The following RALGPS1 variants were observed in gnomAD, a reference collection of about 807,000 sequenced individuals.
RALGPS1 encodes the protein Ral GEF with PH domain and SH3 binding motif 1, also known as ras-specific guanine nucleotide-releasing factor RalGPS1.
Under a neutral mutation model 78.8 loss-of-function variants are expected in RALGPS1, and 19 were observed. The ratio of observed to expected loss-of-function variants is 0.24; its 90% CI spans 0.17 to 0.35. The LOEUF (loss-of-function observed/expected upper bound fraction) is 0.35. Ranked by LOEUF, RALGPS1 falls within the 10% of genes least tolerant of loss-of-function variation. RALGPS1 has a pLI of 1.00. For synonymous variants in RALGPS1, 228 were observed against 256.3 expected (o/e 0.89, Z 1.06); for missense variants, 454 against 688.3 (o/e 0.66, Z 3.81).
chr9:127,184,319 CAGG>C, intron 11 of RALGPS1: 39 of 239,434 alleles, frequency 1.6e-4, no homozygotes, highest in South Asian at 2.5e-4. Context: ...GACCTTGTCT[CAGG>C]AAAAAAAAAA....
chr9:126,956,447 G>A (rs893304461), intron 1 of RALGPS1, among the ~76,000 whole-genome samples: 7 of 152,146 alleles, frequency 4.6e-5, no homozygotes, highest in African/African-American at 7.2e-5. Context: ...CCATAAATTC[G>A]GCCATTTTTG....
intron 11 of RALGPS1, among the ~76,000 whole-genome samples, chr9:127,181,334 C>T (rs2060206280): frequency 6.6e-6 from 1 of 152,268 alleles, no homozygotes; most frequent in Non-Finnish European, 1.5e-5. Context: ...CATGTGCTCA[C>T]TCAGTGACCC....
At chr9:127,026,970 C>G (rs932448703) in intron 4 of RALGPS1, among the ~76,000 whole-genome samples, 1 of 152,224 alleles carries the variant, frequency 6.6e-6, no homozygotes, top group Non-Finnish European at 1.5e-5. Flanking sequence ...GGGGTGCTGG[C>G]TGAGACAGTG....
At chr9:127,153,375 CTTTTTTTTTTTT>C (rs60308901) in intron 8 of RALGPS1, among the ~76,000 whole-genome samples, 1 of 102,116 alleles carries the variant, frequency 9.8e-6, no homozygotes, top group Non-Finnish European at 2.0e-5. Context: ...TAGAGGATTA[CTTTTTTTTTTTT>C]TTTTTTTTTT....
intron 7 of RALGPS1, among the ~76,000 whole-genome samples, chr9:127,058,958 G>T (rs924999425): frequency 6.6e-6 from 1 of 152,176 alleles, no homozygotes; most frequent in Non-Finnish European, 1.5e-5. Flanking sequence ...TGATGGGTCA[G>T]GAGACCTGGT....
At chr9:127,044,137 C>T (rs1472225552) in intron 5 of RALGPS1, among the ~76,000 whole-genome samples, 3 of 152,186 alleles carry the variant, frequency 2.0e-5, no homozygotes, top group African/African-American at 7.2e-5. Flanking sequence ...ACCAAGATAT[C>T]ATCCTTCATT....
At chr9:127,032,376 C>A (rs1487029477) in intron 4 of RALGPS1, among the ~76,000 whole-genome samples, 2 of 47,634 alleles carry the variant, frequency 4.2e-5, no homozygotes, top group African/African-American at 1.6e-4. Context: ...TGCGTGTGCA[C>A]ACACACACAC....
intron 1 of RALGPS1, among the ~76,000 whole-genome samples, chr9:126,932,577 T>C (rs897578679): frequency 6.6e-6 from 1 of 152,166 alleles, no homozygotes; most frequent in African/African-American, 2.4e-5. Flanking sequence ...TTAGAGTTAA[T>C]GTACAAGCCC....
intron 3 of RALGPS1, among the ~76,000 whole-genome samples, chr9:126,968,247 C>T (rs1357198349): frequency 2.0e-5 from 3 of 152,106 alleles, no homozygotes; most frequent in Non-Finnish European, 1.5e-5. Context: ...ATGATCTGCT[C>T]GCCTCGGCCT....
At chr9:127,180,113 GT>G (rs2060123651) in intron 11 of RALGPS1, among the ~76,000 whole-genome samples, 1 of 152,210 alleles carries the variant, frequency 6.6e-6, no homozygotes, top group South Asian at 2.1e-4. Flanking sequence ...CACATGTAAT[GT>G]TTAGTTTCTA....
chr9:127,048,735 A>G (rs1434426727), intron 5 of RALGPS1, among the ~76,000 whole-genome samples: 2 of 152,238 alleles, frequency 1.3e-5, no homozygotes. Flanking sequence ...ATATTAAAAT[A>G]TAAGGTTTAT....
At chr9:127,035,012 G>A (rs2046747891) in intron 5 of RALGPS1, among the ~76,000 whole-genome samples, 1 of 152,098 alleles carries the variant, frequency 6.6e-6, no homozygotes, top group South Asian at 2.1e-4. Flanking sequence ...CAGCCTGTGT[G>A]AGGTCACATA....
chr9:127,199,012 C>T lies in RALGPS1; in HGVS notation c.1196-3C>T. ...TGCTCATTGACCTGTGTTCCTTTTCCAGGCAGTAGTGAGAGCTCAGAGTTT... is the reference window on the plus strand; with the variant it reads ...TGCTCATTGACCTGTGTTCCTTTTCTAGGCAGTAGTGAGAGCTCAGAGTTT... On this transcript the variant is annotated splice_polypyrimidine_tract_variant and splice_region_variant and intron_variant, in intron 13 of 18. Transcript: ENST00000259351. 5 of 1,613,954 alleles carry T rather than the reference C, an allele frequency of 3.1e-6. No individual in the cohort carries two copies. Among genetic ancestry groups the T allele is most frequent in the South Asian group, 1.1e-5 (1 of 91,078 alleles).
rs1382114692 is a variant in RALGPS1 at position 126,982,940 on chromosome 9, T to TC, written c.216+5195_216+5196insC. The stretch of plus-strand genomic sequence containing the variant: ...TCTTCTTCTTCTTCTTTTTTTTTTT[T>TC]TTTTTTTTTTTTTGAGGTGGAGTTT... On this transcript the variant is annotated intron_variant, in intron 4 of 18. Coordinates refer to ENST00000259351, the MANE Select transcript of RALGPS1 (RefSeq NM_014636.3). Among the ~76,000 whole-genome samples the TC allele has an allele frequency of 4.7e-5, 6 of 128,714 alleles. No homozygotes were observed. The East Asian group carries it at 1.3e-3, about 28-fold the overall frequency. 84.4% of individuals were successfully genotyped at this position (128,714 alleles called of 152,430 possible).
chr9:127,138,888 C>G (rs988488289), intron 8 of RALGPS1, among the ~76,000 whole-genome samples: 3 of 152,228 alleles, frequency 2.0e-5, no homozygotes, highest in Admixed American at 1.3e-4. Flanking sequence ...GTTACCGTTA[C>G]TGGGGGATAG....
intron 11 of RALGPS1, among the ~76,000 whole-genome samples, chr9:127,194,613 A>G (rs1001220378): frequency 6.6e-6 from 1 of 152,088 alleles, no homozygotes; most frequent in South Asian, 2.1e-4. Flanking sequence ...GGGTTTCACC[A>G]TGTTGGCCAG....
intron 18 of RALGPS1, chr9:127,217,105 A>G: frequency 7.3e-7 from 1 of 1,360,594 alleles, no homozygotes; most frequent in South Asian, 1.9e-5. Context: ...CAGCAGCCCC[A>G]GCAGGCAGCA....
Position 127,090,536 on chromosome 9 carries a change from A to G in RALGPS1, c.610+21180A>G, listed in dbSNP as rs555785082. 4.5e-4 allele frequency among the ~76,000 whole-genome samples: 69 copies of G among 152,314 alleles called. 1 individual carries two copies. Among genetic ancestry groups the G allele is most frequent in the African/African-American group, 1.5e-3 (64 of 41,580 alleles). Reference sequence around the variant, plus strand: ...GTCCCTCCTGTCCCCTGATGTTGGGAGAATTACCCTTCAGAATGTGGCTGC... The same window carrying G: ...GTCCCTCCTGTCCCCTGATGTTGGGGGAATTACCCTTCAGAATGTGGCTGC... On this transcript the variant is annotated intron_variant, in intron 8 of 18. Coordinates refer to ENST00000259351, the MANE Select transcript of RALGPS1 (RefSeq NM_014636.3).
At chr9:127,167,069 G>A (rs773999673) in intron 9 of RALGPS1, among the ~76,000 whole-genome samples, 10 of 152,222 alleles carry the variant, frequency 6.6e-5, no homozygotes, top group Non-Finnish European at 1.5e-4. Flanking sequence ...CCTCTGGGGA[G>A]CAAGGCTTTC....
Sources: allele counts gnomAD v4.1 joint callset (sites outside exome capture counted in the v4.1 genomes callset), GRCh38; gene constraint gnomAD v4.1.1; transcripts MANE v1.5; gene names NCBI Gene and HGNC (gene_info 2026-07-23, HGNC 2026-07-21).